FAT1: variants seen among roughly 807,000 people sequenced by gnomAD.
FAT1 encodes FAT atypical cadherin 1, also known as protocadherin Fat 1.
Under a neutral mutation model 329.8 loss-of-function variants are expected in FAT1, and 171 were observed. The ratio of observed to expected loss-of-function variants is 0.52; its 90% CI spans 0.46 to 0.59. FAT1 has a LOEUF of 0.59. FAT1 is among the 20% of genes least tolerant of loss of function. The pLI is 0.00. For synonymous variants in FAT1, 2,233 were observed against 2,228.6 expected (o/e 1.00, Z -0.06); for missense variants, 5,672 against 5,774.4 (o/e 0.98, Z 0.57).
intron 2 of FAT1, among the ~76,000 whole-genome samples, chr4:186,672,355 T>C (rs1336916092): frequency 6.6e-6 from 1 of 152,170 alleles, no homozygotes; most frequent in Non-Finnish European, 1.5e-5. Flanking sequence ...AGTATACTAG[T>C]GTACCGTACA....
At chr4:186,719,005 C>G (rs1456155843) in intron 1 of FAT1, among the ~76,000 whole-genome samples, 2 of 152,172 alleles carry the variant, frequency 1.3e-5, no homozygotes, top group African/African-American at 4.8e-5. Flanking sequence ...ACAGAGTCCC[C>G]CAAAACAAAG....
intron 1 of FAT1, among the ~76,000 whole-genome samples, chr4:186,720,864 T>A (rs1005269614): frequency 3.3e-5 from 5 of 152,134 alleles, no homozygotes; most frequent in African/African-American, 1.2e-4. Context: ...TAGAGAGGGA[T>A]AACATAGGAA....
rs2126701314 is a variant in FAT1 at position 186,709,074 on chromosome 4, C to T, written c.754G>A (p.Glu252Lys). 6.2e-7 allele frequency: 1 copy of T among 1,613,932 alleles called. No homozygotes were observed. Among genetic ancestry groups the T allele is most frequent in the Admixed American group, 1.7e-5 (1 of 60,020 alleles). ...ACTGCTGTTATCACCGGAGCACATT[C>T]ATTGGCCTGTTCGATGTGCACCGTT... ...KLTVHIEQAN[E>K]CAPVITAVTL... is the part of the protein sequence containing the mutation. Residue 252 changes from glutamate (E) to lysine (K), a missense_variant, in exon 2 of 27, where the codon GAA becomes AAA. Physicochemically the swap from Glu to Lys is moderately conservative, Grantham distance 56. This residue lies in a region of FAT1 where 3,966 missense variants were observed against 3,915.2 expected (regional missense o/e 1.01). Transcript: ENST00000441802.
At chr4:186,725,490 T>C (rs906223309), upstream of FAT1, among the ~76,000 whole-genome samples, 2 of 151,830 alleles carry the variant, frequency 1.3e-5, no homozygotes, top group Admixed American at 1.3e-4. This position sits in a 1 kb window ranked among gnomAD's most constrained non-coding sequence, Gnocchi z 5.4. Context: ...ACTAGATGTT[T>C]TACATCTGTC....
chr4:186,675,302 T>G, intron 2 of FAT1, among the ~76,000 whole-genome samples: 2 of 143,332 alleles, frequency 1.4e-5, no homozygotes, highest in East Asian at 2.6e-4. Flanking sequence ...GAAATCTCAT[T>G]AAGAAAAAAA....
intron 2 of FAT1, among the ~76,000 whole-genome samples, chr4:186,666,827 G>A (rs1358554973): frequency 6.6e-6 from 1 of 152,176 alleles, no homozygotes; most frequent in Non-Finnish European, 1.5e-5. Flanking sequence ...TTTCACTAAC[G>A]AAAAACTCAG....
chr4:186,657,786 A>G (rs1418712074), intron 3 of FAT1, among the ~76,000 whole-genome samples: 1 of 152,252 alleles, frequency 6.6e-6, no homozygotes, highest in Non-Finnish European at 1.5e-5. Flanking sequence ...TAACACTTCA[A>G]AATTATTAAT....
At chr4:186,664,162 TC>T (rs1424061999) in intron 2 of FAT1, among the ~76,000 whole-genome samples, 5 of 151,992 alleles carry the variant, frequency 3.3e-5, no homozygotes, top group Non-Finnish European at 7.4e-5. Flanking sequence ...AGCAGCATCC[TC>T]CAGAAAGCTC....
chr4:186,697,675 A>T (rs748062488), intron 2 of FAT1, among the ~76,000 whole-genome samples: 2 of 152,204 alleles, frequency 1.3e-5, no homozygotes, highest in Non-Finnish European at 2.9e-5. Context: ...TTTCTCTATT[A>T]CATTAAGCAC....
intron 3 of FAT1, 63 bp from the exon 4 acceptor site, chr4:186,639,846 T>TA (rs1741013531): frequency 1.5e-6 from 2 of 1,363,592 alleles, no homozygotes; most frequent in Non-Finnish European, 2.1e-6. Context: ...ATACTGCAAT[T>TA]AAAATCACAC....
At chr4:186,678,980 G>C (rs1413977574) in intron 2 of FAT1, among the ~76,000 whole-genome samples, 1 of 152,150 alleles carries the variant, frequency 6.6e-6, no homozygotes, top group Non-Finnish European at 1.5e-5. Context: ...TAAAGAAAAT[G>C]TGGTACACAT....
intron 3 of FAT1, among the ~76,000 whole-genome samples, chr4:186,643,319 A>G (rs1741188933): frequency 6.6e-6 from 1 of 152,194 alleles, no homozygotes; most frequent in South Asian, 2.1e-4. Flanking sequence ...GGGTGGGTTT[A>G]CTTTTCTGCG....
chr4:186,695,825 CTT>C (rs1345653821), intron 2 of FAT1, among the ~76,000 whole-genome samples: 2 of 151,494 alleles, frequency 1.3e-5, no homozygotes, highest in Admixed American at 1.3e-4. Flanking sequence ...GAGTTTCACT[CTT>C]GTCCCCCAGG....
At chr4:186,703,052 C>T (rs544165272) in intron 2 of FAT1, among the ~76,000 whole-genome samples, 3 of 152,158 alleles carry the variant, frequency 2.0e-5, no homozygotes, top group African/African-American at 7.2e-5. Context: ...TCACATGGCC[C>T]TCTCCCCTTC....
At chr4:186,628,791 C>A (rs1027873942) in intron 7 of FAT1, 28 bp from the exon 8 acceptor site, 1 of 1,589,064 alleles carries the variant, frequency 6.3e-7, no homozygotes, top group African/African-American at 1.4e-5. Context: ...ATGACTCATA[C>A]AATATTTCCA....
At chr4:186,638,324 T>C (rs139444594) in intron 4 of FAT1, among the ~76,000 whole-genome samples, 20 of 152,334 alleles carry the variant, frequency 1.3e-4, no homozygotes, top group African/African-American at 4.8e-4. Flanking sequence ...GAGTGACGTA[T>C]GCAATTAATG....
chr4:186,624,495 A>G (rs1740201587), intron 9 of FAT1, among the ~76,000 whole-genome samples: 1 of 152,188 alleles, frequency 6.6e-6, no homozygotes, highest in Non-Finnish European at 1.5e-5. Flanking sequence ...TCCAGGTATT[A>G]AAATGGTTTA....
At chr4:186,704,439 C>T (rs1744476275) in intron 2 of FAT1, among the ~76,000 whole-genome samples, 2 of 151,856 alleles carry the variant, frequency 1.3e-5, no homozygotes, top group Admixed American at 1.3e-4. Context: ...TAAAAAGCAA[C>T]AATAAAAATA....
chr4:186,619,056 C>T lies in FAT1; in HGVS notation c.7530G>A (p.Leu2510=), dbSNP rs2126501699. ...CATCCGTAGTTTTCACCTCCATCAC[C>T]AGGGTATGTAGGGGAGCGTTTTCAG... is the stretch of plus-strand genomic sequence containing the variant. ...ELAENAPLHT[L]VMEVKTTDGD... Residue 2510 remains leucine (L), a synonymous_variant, in exon 10 of 27, where the codon CTG becomes CTA. Transcript: ENST00000441802. 1.9e-6 allele frequency: 3 copies of T among 1,613,990 alleles called. No homozygotes were observed. Among genetic ancestry groups the T allele is most frequent in the Non-Finnish European group, 2.5e-6 (3 of 1,179,904 alleles).
Sources: allele counts gnomAD v4.1 joint callset (sites outside exome capture counted in the v4.1 genomes callset), GRCh38; gene constraint gnomAD v4.1.1; regional missense constraint gnomAD v4.1.1; non-coding constraint Gnocchi (gnomAD v3.1); transcripts MANE v1.5; gene names NCBI Gene and HGNC (gene_info 2026-07-23, HGNC 2026-07-21).